Variants in SNX31 observed in about 807,000 individuals in gnomAD.
The protein encoded by SNX31 is sorting nexin-31.
A neutral mutation model predicts 65.4 loss-of-function variants in SNX31; 58 were observed. That is an observed-to-expected ratio of 0.89 (90% CI 0.72 to 1.10). The LOEUF (loss-of-function observed/expected upper bound fraction) is 1.10, where lower values mean the gene tolerates loss of function less well. SNX31 is among the 50% of genes least tolerant of loss of function. The pLI is 0.00. For missense variants in SNX31, 523 were observed against 529.7 expected (o/e 0.99, Z 0.12); for synonymous variants, 181 against 190.1 (o/e 0.95, Z 0.39).
intron 2 of SNX31, among the ~76,000 whole-genome samples, chr8:100,641,601 T>C (rs372693690): frequency 0.32 from 6,346 of 20,118 alleles, 578 homozygotes; most frequent in African/African-American, 0.53. Flanking sequence ...TATATACACA[T>C]ACACACACAC....
chr8:100,580,774 G>T (rs1278332216), intron 12 of SNX31, among the ~76,000 whole-genome samples: 1 of 152,144 alleles, frequency 6.6e-6, no homozygotes, highest in Non-Finnish European at 1.5e-5. Context: ...AGATGAGAGA[G>T]AAACAAACTT....
chr8:100,636,606 A>T (rs1392124399), intron 2 of SNX31, among the ~76,000 whole-genome samples: 1 of 152,236 alleles, frequency 6.6e-6, no homozygotes, highest in African/African-American at 2.4e-5. Flanking sequence ...AATATTTTGG[A>T]TATATTGAAT....
rs964073032 is a variant in SNX31 at position 100,613,574 on chromosome 8, C to T, written c.433-489G>A. Among the ~76,000 whole-genome samples the T allele has an allele frequency of 4.6e-5, 7 of 152,218 alleles. No homozygotes were observed. The South Asian group carries it at 8.3e-4, about 18-fold the overall frequency. ...CATGCGCTACTGCCCACCTTTGACA[C>T]GCCAGGCCTGCTTCGCCTTGATGTT... On this transcript the variant is annotated intron_variant, in intron 5 of 13. Transcript: ENST00000311812. The surrounding 1 kb of genome is among the most constrained non-coding windows in gnomAD (Gnocchi z 5.2).
intron 10 of SNX31, among the ~76,000 whole-genome samples, chr8:100,590,407 C>T (rs1031130709): frequency 2.0e-5 from 3 of 151,274 alleles, no homozygotes; most frequent in Admixed American, 6.6e-5. Context: ...AGCCTGGGCA[C>T]CATAGCAAGT....
At chr8:100,662,212 G>A (rs1272207343) in intron 1 of SNX31, among the ~76,000 whole-genome samples, 1 of 152,150 alleles carries the variant, frequency 6.6e-6, no homozygotes, top group Non-Finnish European at 1.5e-5. Context: ...CTCCATGATT[G>A]AGAAAACTGC....
At chr8:100,621,143 C>A (rs1817659714) in intron 4 of SNX31, among the ~76,000 whole-genome samples, 1 of 151,850 alleles carries the variant, frequency 6.6e-6, no homozygotes, top group Non-Finnish European at 1.5e-5. Flanking sequence ...GACTCCATCT[C>A]AAAAAAACAA....
chr8:100,599,425 C>A (rs1815404539), intron 9 of SNX31, among the ~76,000 whole-genome samples: 1 of 151,028 alleles, frequency 6.6e-6, no homozygotes, highest in Non-Finnish European at 1.5e-5. Context: ...TTAAAATTTA[C>A]AAACACACAG....
intron 8 of SNX31, 111 bp from the exon 9 acceptor site, chr8:100,600,552 T>C: frequency 1.3e-6 from 1 of 745,586 alleles, no homozygotes; most frequent in Non-Finnish European, 2.2e-6. Context: ...TGGATATATA[T>C]TTAGGGATTT....
At chr8:100,661,992 T>A (rs1809795711) in intron 1 of SNX31, among the ~76,000 whole-genome samples, 1 of 152,276 alleles carries the variant, frequency 6.6e-6, no homozygotes, top group East Asian at 1.9e-4. Context: ...GTCCAGCTAA[T>A]TTTTGTATTT....
Position 100,613,085 on chromosome 8 carries a change from C to T in SNX31, c.433G>A (p.Val145Met). 1 of 1,613,728 alleles carries T rather than the reference C, an allele frequency of 6.2e-7. No individual in the cohort carries two copies. Among genetic ancestry groups the T allele is most frequent in the Non-Finnish European group, 8.5e-7 (1 of 1,179,706 alleles). ...CACAGTCCAATTTTGTGTGACACCA[C>T]CTTTAACCAGAAACAAGCAGAAAGG... ...TSDTAERVLE[V>M]VSHKIGLCRE... Residue 145 changes from valine to methionine, a missense_variant and splice_region_variant, in exon 6 of 14, where the codon GTG becomes ATG. By Grantham distance (21) the Val-to-Met change is conservative (BLOSUM62 1). Transcript: ENST00000311812. This position sits in a 1 kb window ranked among gnomAD's most constrained non-coding sequence, Gnocchi z 5.2.
At chr8:100,641,569 T>A (rs1419198790) in intron 2 of SNX31, among the ~76,000 whole-genome samples, 543 of 31,156 alleles carry the variant, frequency 0.017, 7 homozygotes, top group African/African-American at 0.037. Context: ...AAAAAAAATA[T>A]ATATATATAT....
intron 12 of SNX31, 35 bp from the exon 13 acceptor site, chr8:100,577,110 C>T: frequency 6.3e-7 from 1 of 1,577,724 alleles, no homozygotes; most frequent in Non-Finnish European, 8.7e-7. Context: ...TCAGCTCAGC[C>T]CAGAGAAGCA....
chr8:100,631,437 C>CTTTTTT, intron 3 of SNX31, among the ~76,000 whole-genome samples: 1 of 129,622 alleles, frequency 7.7e-6, no homozygotes, highest in Non-Finnish European at 1.6e-5. Flanking sequence ...TGCTGTTTTA[C>CTTTTTT]TTTTTTTTTT....
upstream of SNX31, chr8:100,663,525 A>G (rs1012074981): frequency 6.6e-6 from 1 of 152,158 alleles, no homozygotes; most frequent in African/African-American, 2.4e-5. Context: ...CCAGCTCTGA[A>G]GCAGTCACAG....
intron 8 of SNX31, among the ~76,000 whole-genome samples, chr8:100,602,258 C>T (rs569811780): frequency 7.2e-5 from 11 of 152,250 alleles, no homozygotes; most frequent in Admixed American, 5.9e-4. Flanking sequence ...GCTTTATCTC[C>T]CAGAGAAGAA....
At chr8:100,661,276 G>A (rs919609760) in intron 1 of SNX31, among the ~76,000 whole-genome samples, 3 of 152,136 alleles carry the variant, frequency 2.0e-5, no homozygotes, top group African/African-American at 7.2e-5. Context: ...AAAGTGCTGG[G>A]ATTACAGGCG....
chr8:100,645,437 C>G (rs978201883), intron 2 of SNX31, among the ~76,000 whole-genome samples: 1 of 152,102 alleles, frequency 6.6e-6, no homozygotes, highest in Non-Finnish European at 1.5e-5. Context: ...CAGCCTCAGA[C>G]TTAGGGTGGC....
chr8:100,605,430 A>AATG (rs757369298), intron 8 of SNX31, among the ~76,000 whole-genome samples: 62 of 152,042 alleles, frequency 4.1e-4, no homozygotes, highest in African/African-American at 5.3e-4. Context: ...TTCAGGGAAC[A>AATG]ATGATGATGA....
intron 11 of SNX31, among the ~76,000 whole-genome samples, chr8:100,584,401 T>G (rs1012777661): frequency 3.9e-5 from 6 of 152,216 alleles, no homozygotes; most frequent in African/African-American, 1.4e-4. Flanking sequence ...TTACAGCAGA[T>G]TTTTTAAAGA....
Sources: gnomAD v4.1 joint callset for allele counts (sites outside exome capture counted in the v4.1 genomes callset) on GRCh38, gnomAD v4.1.1 for gene constraint, Gnocchi (gnomAD v3.1) non-coding constraint, MANE v1.5 for transcripts, NCBI Gene and HGNC (gene_info 2026-07-23, HGNC 2026-07-21) for gene names.